The following MYRIP variants were observed in gnomAD, a reference collection of about 807,000 sequenced individuals.
The protein encoded by MYRIP is rab effector MyRIP.
Under a neutral mutation model 98.0 loss-of-function variants are expected in MYRIP, and 49 were observed. That is an observed-to-expected ratio of 0.50 (90% CI 0.40 to 0.63). The LOEUF is 0.63. MYRIP is among the 30% of genes least tolerant of loss of function. The probability of loss-of-function intolerance (pLI) is 0.00; values close to 1 mark genes in which losing one functional copy is unlikely to be tolerated. For synonymous variants in MYRIP, 404 were observed against 409.5 expected (o/e 0.99, Z 0.16); for missense variants, 1,004 against 1,058.2 (o/e 0.95, Z 0.71).
intron 2 of MYRIP, among the ~76,000 whole-genome samples, chr3:39,957,019 T>A (rs1380501307): frequency 4.0e-5 from 6 of 151,668 alleles, no homozygotes; most frequent in Admixed American, 2.6e-4. Flanking sequence ...ACAGGCTCTG[T>A]AATTCAGGCA....
At chr3:39,933,595 T>C (rs1406053591) in intron 2 of MYRIP, among the ~76,000 whole-genome samples, 1 of 152,184 alleles carries the variant, frequency 6.6e-6, no homozygotes, top group Non-Finnish European at 1.5e-5. Flanking sequence ...TAAGTAAAAT[T>C]CCCATACATC....
At chr3:39,880,104 C>T (rs571050356) in intron 1 of MYRIP, among the ~76,000 whole-genome samples, 26 of 152,024 alleles carry the variant, frequency 1.7e-4, no homozygotes, top group African/African-American at 5.1e-4. Flanking sequence ...ATGTGCACAA[C>T]GTGCAGGTTT....
rs555475213 is a variant in MYRIP at position 40,077,916 on chromosome 3, G to A, written c.332+33645G>A. 1.7e-3 allele frequency among the ~76,000 whole-genome samples: 265 copies of A among 152,338 alleles called. 2 individuals are homozygous for A. The highest frequency in any genetic ancestry group is 6.2e-3 in the African/African-American group (257 of 41,572). On this transcript the variant is annotated intron_variant, in intron 3 of 16. Transcript: ENST00000302541. ...GCTGCCTGCCAGTCCCGCGCCCTGC[G>A]CCCTGCGCCCGCACTCCTCAGCCCT...
intron 1 of MYRIP, among the ~76,000 whole-genome samples, chr3:39,812,099 G>C (rs1466699063): frequency 6.6e-6 from 1 of 152,136 alleles, no homozygotes; most frequent in East Asian, 1.9e-4. Flanking sequence ...ATGCAGTTCT[G>C]AAGGATACAC....
At chr3:40,135,718 A>G (rs886519161) in intron 3 of MYRIP, among the ~76,000 whole-genome samples, 5 of 152,254 alleles carry the variant, frequency 3.3e-5, no homozygotes, top group South Asian at 2.1e-4. Flanking sequence ...AAGACAGTGG[A>G]GACCAATATT....
intron 1 of MYRIP, among the ~76,000 whole-genome samples, chr3:39,857,828 T>C (rs1334243724): frequency 5.3e-5 from 8 of 152,080 alleles, no homozygotes; most frequent in Non-Finnish European, 1.2e-4. Context: ...TAGGATATTA[T>C]AGCTATAAGG....
intron 1 of MYRIP, among the ~76,000 whole-genome samples, chr3:39,828,095 C>T (rs995515625): frequency 1.4e-4 from 22 of 152,010 alleles, no homozygotes; most frequent in Middle Eastern, 3.4e-3. Flanking sequence ...ATTTGGGGTC[C>T]TTTGAGCTTC....
At chr3:39,890,547 ATTAC>A (rs1408355391) in intron 1 of MYRIP, among the ~76,000 whole-genome samples, 2 of 150,172 alleles carry the variant, frequency 1.3e-5, no homozygotes, top group Admixed American at 6.6e-5. Flanking sequence ...GTTCTTATTT[ATTAC>A]TTATTATCAA....
Position 40,218,440 on chromosome 3 carries a change from T to A in MYRIP, c.1905+8347T>A, listed in dbSNP as rs187791678. ...ATTGATATAAAGAGACATAAGGGAA[T>A]TTTTTGGTCTGATGGAAATATTCTA... On this transcript the variant is annotated intron_variant, in intron 11 of 16. Coordinates refer to ENST00000302541, the MANE Select transcript of MYRIP (RefSeq NM_015460.4). Among the ~76,000 whole-genome samples the A allele has an allele frequency of 2.0e-4, 31 of 151,716 alleles. No individual in the cohort carries two copies. The East Asian group carries it at 6.0e-3, about 29-fold the overall frequency.
chr3:40,043,998 C>A, intron 2 of MYRIP, 52 bp from the exon 3 acceptor site: 1 of 1,558,610 alleles, frequency 6.4e-7, no homozygotes, highest in Non-Finnish European at 8.8e-7. Context: ...CACCCCCTGA[C>A]CTGATGTTGT....
chr3:40,040,994 GAAAAAAA>G (rs1322717456), intron 2 of MYRIP, among the ~76,000 whole-genome samples: 36 of 8,256 alleles, frequency 4.4e-3, no homozygotes, highest in Admixed American at 0.013. Flanking sequence ...AAAAAAAAAA[GAAAAAAA>G]AAAAGAAAAT....
chr3:40,189,790 G>C, intron 9 of MYRIP, 36 bp from the exon 10 acceptor site: 1 of 1,552,760 alleles, frequency 6.4e-7, no homozygotes, highest in Non-Finnish European at 8.7e-7. Context: ...AGTGATAACA[G>C]CCCCTCTCTG....
chr3:40,212,283 G>A (rs972209807), intron 11 of MYRIP, among the ~76,000 whole-genome samples: 10 of 137,410 alleles, frequency 7.3e-5, no homozygotes, highest in South Asian at 2.3e-4. Flanking sequence ...GAGAGAGAGC[G>A]CCATATAGAC....
chr3:39,947,962 T>G (rs1299735626), intron 2 of MYRIP, among the ~76,000 whole-genome samples: 1 of 152,156 alleles, frequency 6.6e-6, no homozygotes, highest in Non-Finnish European at 1.5e-5. Flanking sequence ...TCAAAGATTG[T>G]TATTTCACTG....
intron 3 of MYRIP, among the ~76,000 whole-genome samples, chr3:40,123,741 A>C (rs929030855): frequency 1.3e-5 from 2 of 152,110 alleles, no homozygotes; most frequent in Non-Finnish European, 2.9e-5. Context: ...TGTGTGCCCC[A>C]CCTGTAGCTA....
intron 1 of MYRIP, among the ~76,000 whole-genome samples, chr3:39,823,993 A>C (rs1305643074): frequency 6.6e-6 from 1 of 152,164 alleles, no homozygotes; most frequent in African/African-American, 2.4e-5. Context: ...TTTGTCTCTT[A>C]CATTTAGATC....
intron 2 of MYRIP, among the ~76,000 whole-genome samples, chr3:39,901,739 A>C (rs1019082237): frequency 6.6e-6 from 1 of 152,228 alleles, no homozygotes; most frequent in Non-Finnish European, 1.5e-5. Flanking sequence ...TCCAACAGCT[A>C]GAACAGTGCC....
At chr3:39,886,262 AG>A (rs201565835) in intron 1 of MYRIP, among the ~76,000 whole-genome samples, 6,070 of 152,130 alleles carry the variant, frequency 0.04, 299 homozygotes, top group East Asian at 0.13. Flanking sequence ...CATCGAGACT[AG>A]GAAGAAACTG....
At chr3:39,949,783 T>C (rs1007429791) in intron 2 of MYRIP, among the ~76,000 whole-genome samples, 1 of 152,158 alleles carries the variant, frequency 6.6e-6, no homozygotes, top group Non-Finnish European at 1.5e-5. Context: ...ATGATTTGGC[T>C]CAACTGGCAA....
Sources: gnomAD v4.1 joint callset for allele counts (sites outside exome capture counted in the v4.1 genomes callset) on GRCh38, gnomAD v4.1.1 for gene constraint, MANE v1.5 for transcripts, NCBI Gene and HGNC (gene_info 2026-07-23, HGNC 2026-07-21) for gene names.